Variants in SLC35F1 observed in about 807,000 individuals in gnomAD.
SLC35F1 encodes the protein solute carrier family 35 member F1.
SLC35F1 carries 14 observed loss-of-function variants against 48.7 expected under a neutral mutation model. The observed-to-expected ratio is 0.29, with a 90% confidence interval of 0.19 to 0.45. The LOEUF (loss-of-function observed/expected upper bound fraction) is 0.45, where lower values mean the gene tolerates loss of function less well. Ranked by LOEUF, SLC35F1 falls within the 20% of genes least tolerant of loss-of-function variation. The pLI is 1.00. For missense variants in SLC35F1, 404 were observed against 500.0 expected, an observed-to-expected ratio of 0.81 and a Z score of 1.83; for synonymous variants, 190 against 202.2, an observed-to-expected ratio of 0.94 and a Z score of 0.51.
chr6:117,964,369 C>G (rs1429883870), intron 1 of SLC35F1, among the ~76,000 whole-genome samples: 2 of 152,196 alleles, frequency 1.3e-5, no homozygotes, highest in Non-Finnish European at 2.9e-5. Context: ...ACTCTCACAT[C>G]CAATTTAAAA....
intron 2 of SLC35F1, among the ~76,000 whole-genome samples, chr6:118,182,770 A>G (rs1774601365): frequency 6.6e-6 from 1 of 152,154 alleles, no homozygotes; most frequent in Non-Finnish European, 1.5e-5. Flanking sequence ...TATATTATTC[A>G]TTGTTATGAA....
At chr6:117,971,861 A>G (rs1776646954) in intron 1 of SLC35F1, among the ~76,000 whole-genome samples, 2 of 152,136 alleles carry the variant, frequency 1.3e-5, no homozygotes, top group South Asian at 2.1e-4. Context: ...TTTCCCTCCT[A>G]GGCCTCCAGG....
intron 2 of SLC35F1, among the ~76,000 whole-genome samples, chr6:118,196,858 A>AT (rs1435638978): frequency 5.9e-5 from 9 of 152,096 alleles, no homozygotes; most frequent in Non-Finnish European, 1.2e-4. Context: ...TTTTTAGTTG[A>AT]TTTTTTGTAC....
chr6:118,307,938 T>C (rs1379452446), intron 7 of SLC35F1, among the ~76,000 whole-genome samples: 1 of 152,194 alleles, frequency 6.6e-6, no homozygotes, highest in Non-Finnish European at 1.5e-5. Context: ...TGCCAAGAGT[T>C]GAGCTGTATT....
chr6:117,999,225 A>G, intron 1 of SLC35F1: 7 of 1,596,358 alleles, frequency 4.4e-6, no homozygotes, highest in Non-Finnish European at 5.9e-6. Context: ...GTTAAGCCCA[A>G]GATCCCAAAG....
chr6:118,290,633 G>A (rs1776109509), intron 7 of SLC35F1, among the ~76,000 whole-genome samples: 1 of 151,940 alleles, frequency 6.6e-6, no homozygotes, highest in African/African-American at 2.4e-5. Flanking sequence ...AAATCAAGTA[G>A]TCATTGTTTG....
intron 1 of SLC35F1, among the ~76,000 whole-genome samples, chr6:118,120,293 GCA>G (rs1773535893): frequency 1.3e-5 from 2 of 152,072 alleles, no homozygotes; most frequent in Non-Finnish European, 2.9e-5. Flanking sequence ...ACCCACTTTT[GCA>G]TGAATACCAT....
intron 1 of SLC35F1, among the ~76,000 whole-genome samples, chr6:118,041,954 A>G (rs1447981975): frequency 6.6e-6 from 1 of 152,002 alleles, no homozygotes; most frequent in Non-Finnish European, 1.5e-5. Flanking sequence ...TTAAAAAAAA[A>G]AAGCATCATC....
At chr6:118,067,805 G>T (rs191168439) in intron 1 of SLC35F1, among the ~76,000 whole-genome samples, 1 of 152,256 alleles carries the variant, frequency 6.6e-6, no homozygotes, top group East Asian at 1.9e-4. Flanking sequence ...TCACTGGGAG[G>T]ACTTGTTAAA....
At chr6:118,257,464 G>A (rs1330463996) in intron 3 of SLC35F1, among the ~76,000 whole-genome samples, 5 of 152,150 alleles carry the variant, frequency 3.3e-5, no homozygotes, top group Non-Finnish European at 7.4e-5. Context: ...GAGATGGGAG[G>A]CAACACTGCC....
chr6:117,999,490 C>T (rs1400330722), intron 1 of SLC35F1: 2 of 1,432,684 alleles, frequency 1.4e-6, no homozygotes, highest in Admixed American at 2.0e-5. Flanking sequence ...GGTGCGACCC[C>T]CCACCCCCAC....
At chr6:117,994,382 A>T (rs1480826180) in intron 1 of SLC35F1, among the ~76,000 whole-genome samples, 1 of 152,168 alleles carries the variant, frequency 6.6e-6, no homozygotes, top group African/African-American at 2.4e-5. Context: ...TAAGATACAT[A>T]ACCATCATTC....
At chr6:117,971,691 A>G (rs1776640695) in intron 1 of SLC35F1, among the ~76,000 whole-genome samples, 1 of 152,260 alleles carries the variant, frequency 6.6e-6, no homozygotes, top group African/African-American at 2.4e-5. Context: ...TGCCACATGT[A>G]AACCACCAAG....
At chr6:118,263,174 G>A (rs1220219477) in intron 3 of SLC35F1, among the ~76,000 whole-genome samples, 2 of 151,860 alleles carry the variant, frequency 1.3e-5, no homozygotes, top group Non-Finnish European at 2.9e-5. Flanking sequence ...CTCCTGCCTC[G>A]GCCTCCCAAG....
chr6:118,172,384 TA>T (rs1420249577), intron 2 of SLC35F1, among the ~76,000 whole-genome samples: 2 of 152,172 alleles, frequency 1.3e-5, no homozygotes, highest in African/African-American at 4.8e-5. Flanking sequence ...GTCACCTACA[TA>T]TGGTTTTCTG....
At chr6:118,182,968 G>A (rs1226014436) in intron 2 of SLC35F1, among the ~76,000 whole-genome samples, 1 of 152,052 alleles carries the variant, frequency 6.6e-6, no homozygotes, top group Non-Finnish European at 1.5e-5. Flanking sequence ...TGATTCCTCT[G>A]TTCAAATGAA....
At chr6:117,996,079 T>C (rs1456360583) in intron 1 of SLC35F1, among the ~76,000 whole-genome samples, 1 of 152,240 alleles carries the variant, frequency 6.6e-6, no homozygotes, top group East Asian at 1.9e-4. Context: ...ATTTAATTTC[T>C]TCATATTTTT....
intron 4 of SLC35F1, among the ~76,000 whole-genome samples, chr6:118,268,600 ATTTTTTTTTTT>A (rs139088554): frequency 1.7e-3 from 152 of 87,884 alleles, no homozygotes; most frequent in Middle Eastern, 8.6e-3. Flanking sequence ...ATATATATAT[ATTTTTTTTTTT>A]TTTTTTTTTT....
Position 118,314,072 on chromosome 6 carries a change from G to A in SLC35F1, c.1047G>A (p.Gly349=). 1 of 1,614,070 alleles carries A rather than the reference G, an allele frequency of 6.2e-7. No homozygotes were observed. Among genetic ancestry groups the A allele is most frequent in the Non-Finnish European group, 8.5e-7 (1 of 1,180,018 alleles). The part of the protein sequence containing the change: ...YLLSFFTILI[G]LVLYSSTSTY... Reference sequence around the variant, plus strand: ...TGTCTTTCTTCACCATCCTCATTGGGCTGGTGCTCTACTCCTCCACCTCCA... The same window carrying A: ...TGTCTTTCTTCACCATCCTCATTGGACTGGTGCTCTACTCCTCCACCTCCA... The change falls in exon 8 of 8, where the codon GGG becomes GGA. Residue 349 remains glycine, a synonymous_variant. Coordinates refer to ENST00000360388, the MANE Select transcript of SLC35F1 (RefSeq NM_001029858.4).
Sources: gnomAD v4.1 joint callset for allele counts (sites outside exome capture counted in the v4.1 genomes callset) on GRCh38, gnomAD v4.1.1 for gene constraint, MANE v1.5 for transcripts, NCBI Gene and HGNC (gene_info 2026-07-23, HGNC 2026-07-21) for gene names.